Variants in REV3L observed in about 807,000 individuals in gnomAD.
REV3L encodes DNA polymerase zeta catalytic subunit.
A neutral mutation model predicts 299.4 loss-of-function variants in REV3L; 69 were observed. The ratio of observed to expected loss-of-function variants is 0.23; its 90% confidence interval spans 0.19 to 0.28. REV3L has a LOEUF of 0.28. REV3L is among the 10% of genes least tolerant of loss of function. The probability of loss-of-function intolerance (pLI) is 1.00; values close to 1 mark genes in which losing one functional copy is unlikely to be tolerated. For missense variants in REV3L, 3,128 were observed against 3,693.8 expected, an observed-to-expected ratio of 0.85 and a Z score of 3.97; for synonymous variants, 1,238 against 1,271.4, an observed-to-expected ratio of 0.97 and a Z score of 0.56.
chr6:111,329,406 A>T (rs1359193698), intron 25 of REV3L, 126 bp downstream of exon 25: 6 of 781,442 alleles, frequency 7.7e-6, no homozygotes, highest in African/African-American at 3.4e-5. Context: ...GGCAGGATTC[A>T]ACTCTGGGCT....
chr6:111,426,594 C>T (rs1200340497), intron 1 of REV3L, among the ~76,000 whole-genome samples: 2 of 152,112 alleles, frequency 1.3e-5, no homozygotes, highest in Admixed American at 1.3e-4. Context: ...GGGTTAAGGG[C>T]CAACTTCCAA....
At position 111,343,976 on chromosome 6, in the gene REV3L, AAG is replaced by A; in HGVS notation, c.7485_7486del (p.Phe2496TyrfsTer10). ...CCAGTCTGACAAGACTCGAAAGGTAAAGAGGGGAAAACGCTGATGAAGAACAT... is the reference window on the plus strand; with the variant it reads ...CCAGTCTGACAAGACTCGAAAGGTAAAGGGGAAAACGCTGATGAAGAACAT... On this transcript the variant is annotated frameshift_variant, in exon 21 of 32. Coordinates refer to ENST00000368802, the MANE Select transcript of REV3L (RefSeq NM_001372078.1). LOFTEE classifies it high-confidence loss of function. The A allele has an allele frequency of 6.2e-7, 1 of 1,613,686 alleles. No individual in the cohort carries two copies. Among genetic ancestry groups the A allele is most frequent in the Non-Finnish European group, 8.5e-7 (1 of 1,179,796 alleles).
chr6:111,380,173 C>T lies in REV3L; in HGVS notation c.1263G>A (p.Leu421=), dbSNP rs781627978. The T allele has an allele frequency of 1.2e-6, 2 of 1,613,948 alleles. No homozygotes were observed. The highest frequency in any genetic ancestry group is 1.3e-5 in the African/African-American group (1 of 74,916). The part of the protein sequence containing the change: ...DEALVHLLAG[L]ESDGYRGERN... ...TTTCCCCCCGATATCCATCACTTTCCAAACCAGCAAGAAGATGTACCAGAG... is the reference window on the plus strand; with the variant it reads ...TTTCCCCCCGATATCCATCACTTTCTAAACCAGCAAGAAGATGTACCAGAG... Residue 421 remains leucine, a synonymous_variant, in exon 11 of 32, where the codon TTG becomes TTA. Transcript: ENST00000368802.
chr6:111,350,949 CT>C (rs979578643), intron 19 of REV3L, among the ~76,000 whole-genome samples: 1 of 152,054 alleles, frequency 6.6e-6, no homozygotes, highest in African/African-American at 2.4e-5. Flanking sequence ...CCAGCTTCAA[CT>C]TTTCCTAAAG....
At position 111,389,180 on chromosome 6, in the gene REV3L, G is replaced by A. The variant is rs751377031; in HGVS notation, c.788C>T (p.Ala263Val). Residue 263 changes from alanine to valine, a missense_variant, in exon 7 of 32, where the codon GCC (alanine) becomes GTC (valine). Physicochemically the swap from Ala to Val is moderately conservative, Grantham distance 64. This residue lies in a region of REV3L where 2,409 missense variants were observed against 2,611.8 expected (regional missense o/e 0.92). Coordinates refer to ENST00000368802, the MANE Select transcript of REV3L (RefSeq NM_001372078.1). ...AQIGGNPGLQ[A>V]IWEDEKQRRR... Reference sequence around the variant, plus strand: ...CCGTTGCTTTTCATCTTCCCATATGGCCTGTAGACCAGGGTTTCCACCAAT... The same window carrying A: ...CCGTTGCTTTTCATCTTCCCATATGACCTGTAGACCAGGGTTTCCACCAAT... 1 of 1,613,702 alleles carries A rather than the reference G, an allele frequency of 6.2e-7. No individual in the cohort carries two copies. The highest frequency in any genetic ancestry group is 1.1e-5 in the South Asian group (1 of 91,068).
chr6:111,465,929 T>C (rs186247684), intron 1 of REV3L, among the ~76,000 whole-genome samples: 29 of 152,174 alleles, frequency 1.9e-4, no homozygotes, highest in African/African-American at 2.9e-4. Context: ...AGAAATGAAT[T>C]AGTCTTTTTA....
At chr6:111,449,314 G>A (rs1332736040) in intron 1 of REV3L, among the ~76,000 whole-genome samples, 1 of 152,168 alleles carries the variant, frequency 6.6e-6, no homozygotes, top group Non-Finnish European at 1.5e-5. Context: ...CCAGGTGGAA[G>A]CTGGCAATCT....
Position 111,333,313 on chromosome 6 carries a change from C to A in REV3L, c.7735G>T (p.Val2579Leu), listed in dbSNP as rs767513829. 6.2e-7 allele frequency: 1 copy of A among 1,614,044 alleles called. No homozygotes were observed. ...RIAKPMNYIP[V>L]TPSVQQRSQM... is the part of the protein sequence containing the mutation. Reference sequence around the variant, plus strand: ...GATCTTTGCTGAACACTAGGTGTCACAGGAATATAGTTCATTGGTTTAGCA... The same window carrying A: ...GATCTTTGCTGAACACTAGGTGTCAAAGGAATATAGTTCATTGGTTTAGCA... The change falls in exon 23 of 32, where the codon GTG becomes TTG. Residue 2579 changes from valine (V) to leucine (L), a missense_variant. By Grantham distance (32) the Val-to-Leu change is conservative. Around this residue, in one of 9 missense-constraint regions of REV3L, gnomAD observed 149 missense variants for 286.4 expected, o/e 0.52. Coordinates refer to ENST00000368802, the MANE Select transcript of REV3L (RefSeq NM_001372078.1).
intron 31 of REV3L, among the ~76,000 whole-genome samples, chr6:111,300,543 T>C (rs1033755088): frequency 1.3e-5 from 2 of 152,208 alleles, no homozygotes; most frequent in East Asian, 1.9e-4. Context: ...AAGTTACTCT[T>C]TTTCGTATTC....
chr6:111,424,279 G>A (rs1365333845), intron 1 of REV3L, among the ~76,000 whole-genome samples: 1 of 152,166 alleles, frequency 6.6e-6, no homozygotes, highest in Non-Finnish European at 1.5e-5. Context: ...AGATAGGCAA[G>A]TAACGAGAGG....
At chr6:111,381,571 G>C (rs906203505) in intron 9 of REV3L, 127 bp from the exon 10 acceptor site, 29 of 710,862 alleles carry the variant, frequency 4.1e-5, no homozygotes, top group Non-Finnish European at 6.6e-5. Flanking sequence ...TGTTAATGAT[G>C]CATGCCAAAT....
At chr6:111,450,593 T>C (rs1789416601) in intron 1 of REV3L, among the ~76,000 whole-genome samples, 1 of 149,780 alleles carries the variant, frequency 6.7e-6, no homozygotes, top group Non-Finnish European at 1.5e-5. Context: ...GTAAGTGCTA[T>C]ATACAATTAC....
Position 111,363,855 on chromosome 6 carries a change from C to G in REV3L, c.6877G>C (p.Glu2293Gln). 1 of 1,612,930 alleles carries G rather than the reference C, an allele frequency of 6.2e-7. No individual in the cohort carries two copies. The highest frequency in any genetic ancestry group is 8.5e-7 in the Non-Finnish European group (1 of 1,179,538). Reference sequence around the variant, plus strand: ...TGTCCTTACTGTTGCAGTTTTACCTCATGTAAAGCTTTTGCCTCCTGTAAG... The same window carrying G: ...TGTCCTTACTGTTGCAGTTTTACCTGATGTAAAGCTTTTGCCTCCTGTAAG... Reference protein sequence around the residue: ...QNLQEAKALHEIQNLTLISVE... With the variant: ...QNLQEAKALHQIQNLTLISVE... The change falls in exon 16 of 32, where the codon GAG becomes CAG. Residue 2293 changes from glutamate to glutamine, a missense_variant and splice_region_variant. This residue lies in a region of REV3L where 2,409 missense variants were observed against 2,611.8 expected (regional missense o/e 0.92). Coordinates refer to ENST00000368802, the MANE Select transcript of REV3L (RefSeq NM_001372078.1).
intron 2 of REV3L, 31 bp downstream of exon 2, chr6:111,416,252 G>A: frequency 6.9e-7 from 1 of 1,441,496 alleles, no homozygotes; most frequent in Non-Finnish European, 9.3e-7. Flanking sequence ...AACATAAACA[G>A]AAATTATAAA....
At chr6:111,438,044 G>A (rs1455917611) in intron 1 of REV3L, among the ~76,000 whole-genome samples, 1 of 149,526 alleles carries the variant, frequency 6.7e-6, no homozygotes, top group Non-Finnish European at 1.5e-5. Flanking sequence ...ATTTTTTATA[G>A]AGACAGGGTC....
intron 31 of REV3L, among the ~76,000 whole-genome samples, chr6:111,301,596 A>C (rs1771532428): frequency 6.6e-6 from 1 of 152,216 alleles, no homozygotes; most frequent in Admixed American, 6.5e-5. Flanking sequence ...TTAAAAATAA[A>C]CAAGTGCCCC....
Position 111,335,581 on chromosome 6 carries a change from C to T in REV3L, c.7568G>A (p.Arg2523His), listed in dbSNP as rs767553403. 3 of 1,609,334 alleles carry T rather than the reference C, an allele frequency of 1.9e-6. No homozygotes were observed. The highest frequency in any genetic ancestry group is 2.2e-5 in the South Asian group (2 of 90,426). Residue 2523 changes from arginine (R) to histidine (H), a missense_variant, in exon 22 of 32, where the codon CGT (arginine) becomes CAT (histidine). Physicochemically the swap from Arg to His is conservative, Grantham distance 29. Around this residue, in one of 9 missense-constraint regions of REV3L, gnomAD observed 149 missense variants for 286.4 expected, o/e 0.52. Transcript: ENST00000368802. ...TAACATTTGGAGATTTCCACGGACA[C>T]GGCTAACATAATGATCAACCATTTT... is the stretch of plus-strand genomic sequence containing the variant. ...RWKMVDHYVS[R>H]VRGNLQMLEQ...
At chr6:111,351,817 T>C (rs1245007320) in intron 18 of REV3L, 26 bp from the exon 19 acceptor site, 1 of 1,438,606 alleles carries the variant, frequency 7.0e-7, no homozygotes, top group Non-Finnish European at 9.8e-7. Flanking sequence ...AAAAAAGTTA[T>C]ATAAGTACCA....
At chr6:111,428,250 A>G (rs770599424) in intron 1 of REV3L, among the ~76,000 whole-genome samples, 16 of 152,302 alleles carry the variant, frequency 1.1e-4, no homozygotes, top group Non-Finnish European at 1.8e-4. Context: ...CAGTGACATG[A>G]GCTTTCTGAT....
Sources: allele counts gnomAD v4.1 joint callset (sites outside exome capture counted in the v4.1 genomes callset), GRCh38; gene constraint gnomAD v4.1.1; regional missense constraint gnomAD v4.1.1; transcripts MANE v1.5; gene names NCBI Gene and HGNC (gene_info 2026-07-23, HGNC 2026-07-21).